LPGAT1: variants seen among roughly 807,000 people sequenced by gnomAD.
LPGAT1 encodes the protein lysophosphatidylglycerol acyltransferase 1, also known as acyl-CoA:lysophosphatidylglycerol acyltransferase 1.
Under a neutral mutation model 47.5 loss-of-function variants are expected in LPGAT1, and 11 were observed. The ratio of observed to expected loss-of-function variants is 0.23; its 90% CI spans 0.15 to 0.38. The LOEUF is 0.38. LPGAT1 is among the 10% of genes least tolerant of loss of function. The probability of loss-of-function intolerance (pLI) is 1.00; values close to 1 mark genes in which losing one functional copy is unlikely to be tolerated. For missense variants in LPGAT1, 293 were observed against 439.0 expected (o/e 0.67, Z 2.97); for synonymous variants, 138 against 144.2 (o/e 0.96, Z 0.31).
At chr1:211,757,460 A>G (rs1389034924) in intron 6 of LPGAT1, among the ~76,000 whole-genome samples, 2 of 152,180 alleles carry the variant, frequency 1.3e-5, no homozygotes, top group Admixed American at 1.3e-4. Context: ...GCATATGATA[A>G]ACACTCATAC....
chr1:211,830,378 G>A lies in LPGAT1; in HGVS notation c.-28+195C>T, dbSNP rs1222908157. 6 of 1,167,278 alleles carry A rather than the reference G, an allele frequency of 5.1e-6. No individual in the cohort carries two copies. The highest frequency in any genetic ancestry group is 5.3e-6 in the Non-Finnish European group (5 of 946,832). The allele number at this position is 1,167,278 out of a possible 1,614,324, so 72.3% of individuals were successfully genotyped here. ...GACTCAGAGGCCGGACCTGTCACCC[G>A]GGCGGGTCCCGGGGAGGCGGGCGGA... On this transcript the variant is annotated intron_variant, in intron 1 of 7. Coordinates refer to ENST00000366997, the MANE Select transcript of LPGAT1 (RefSeq NM_014873.3). The surrounding 1 kb of genome is among the most constrained non-coding windows in gnomAD (Gnocchi z 5.9).
At chr1:211,808,133 G>T (rs925564157) in intron 2 of LPGAT1, among the ~76,000 whole-genome samples, 19 of 151,984 alleles carry the variant, frequency 1.3e-4, no homozygotes, top group African/African-American at 4.6e-4. Context: ...ATCACTTGAG[G>T]TCGGGAGTTC....
chr1:211,762,577 G>C (rs1657743006), intron 6 of LPGAT1, among the ~76,000 whole-genome samples: 1 of 152,188 alleles, frequency 6.6e-6, no homozygotes, highest in South Asian at 2.1e-4. Context: ...AATCAAATCA[G>C]AGGAGTGCTT....
At chr1:211,804,578 G>C (rs1478765132) in intron 2 of LPGAT1, among the ~76,000 whole-genome samples, 1 of 152,010 alleles carries the variant, frequency 6.6e-6, no homozygotes, top group African/African-American at 2.4e-5. Context: ...AATCAAAAAT[G>C]AATGATTCTT....
chr1:211,772,673 T>G (rs1658221982), intron 6 of LPGAT1, among the ~76,000 whole-genome samples: 1 of 152,178 alleles, frequency 6.6e-6, no homozygotes, highest in East Asian at 1.9e-4. Context: ...AATAATCCAC[T>G]GGGGTCTGAA....
chr1:211,801,986 G>C (rs1396895096), intron 2 of LPGAT1, among the ~76,000 whole-genome samples: 1 of 151,024 alleles, frequency 6.6e-6, no homozygotes, highest in Middle Eastern at 3.2e-3. Context: ...TACTTGGGAA[G>C]CTAAGGCAGA....
At position 211,827,508 on chromosome 1, in the gene LPGAT1, A is replaced by T. The variant is rs147591194; in HGVS notation, c.238+1551T>A. ...CACGCACAAACATTTCAGTAATTTC[A>T]TTTTAAGCAGAATGAACTTCTAGAA... On this transcript the variant is annotated intron_variant, in intron 2 of 7. Coordinates refer to ENST00000366997, the MANE Select transcript of LPGAT1 (RefSeq NM_014873.3). 6.2e-4 allele frequency among the ~76,000 whole-genome samples: 95 copies of T among 152,346 alleles called. No individual in the cohort carries two copies. In the East Asian group the frequency reaches 0.017, roughly 27 times the overall value.
chr1:211,783,113 TCTCC>T (rs1171194443), intron 5 of LPGAT1, 112 bp downstream of exon 5: 3 of 946,594 alleles, frequency 3.2e-6, no homozygotes, highest in Admixed American at 3.4e-5. Flanking sequence ...AGTTTCATCT[TCTCC>T]CTATTATTTT....
intron 6 of LPGAT1, among the ~76,000 whole-genome samples, chr1:211,769,913 G>A (rs1189257900): frequency 6.6e-6 from 1 of 152,100 alleles, no homozygotes; most frequent in African/African-American, 2.4e-5. Context: ...ACCTGGGAAT[G>A]CAGCCCAGTA....
Position 211,830,405 on chromosome 1 carries a change from G to A in LPGAT1, c.-28+168C>T. 12 of 1,173,450 alleles carry A rather than the reference G, an allele frequency of 1.0e-5. No individual in the cohort carries two copies. Among genetic ancestry groups the A allele is most frequent in the Non-Finnish European group, 1.3e-5 (12 of 949,774 alleles). The allele number at this position is 1,173,450 out of a possible 1,614,324, so 72.7% of individuals were successfully genotyped here. A position where few individuals can be genotyped will look rare whatever the true frequency, so the allele number is the denominator to read the frequency against. On this transcript the variant is annotated intron_variant, in intron 1 of 7. Transcript: ENST00000366997. The surrounding 1 kb of genome is among the most constrained non-coding windows in gnomAD (Gnocchi z 5.9). ...GCGGGTCCCGGGGAGGCGGGCGGAT[G>A]CCCCGCGCCCCCGCCTCCTCCCCGG... is the stretch of plus-strand genomic sequence containing the variant.
At chr1:211,818,142 A>G (rs1660246093) in intron 2 of LPGAT1, among the ~76,000 whole-genome samples, 1 of 152,136 alleles carries the variant, frequency 6.6e-6, no homozygotes, top group African/African-American at 2.4e-5. Context: ...GCCAACTTTC[A>G]GTTTTTAATG....
At chr1:211,783,123 AT>A (rs1416251347) in intron 5 of LPGAT1, 105 bp downstream of exon 5, 3 of 1,087,452 alleles carry the variant, frequency 2.8e-6, no homozygotes, top group Admixed American at 3.2e-5. Context: ...TCTCCCTATT[AT>A]TTTTAACAAA....
chr1:211,824,403 TA>T (rs1468900698), intron 2 of LPGAT1, among the ~76,000 whole-genome samples: 1 of 151,792 alleles, frequency 6.6e-6, no homozygotes, highest in African/African-American at 2.4e-5. Context: ...CACAAAAAAA[TA>T]AAAAAGGATC....
chr1:211,807,216 GA>G (rs1659792166), intron 2 of LPGAT1, among the ~76,000 whole-genome samples: 1 of 151,942 alleles, frequency 6.6e-6, no homozygotes, highest in Admixed American at 6.6e-5. Flanking sequence ...TAAAACACAT[GA>G]ACAAGATCTA....
intron 4 of LPGAT1, 138 bp downstream of exon 4, chr1:211,787,489 CAAAAA>C (rs374026763): frequency 2.2e-3 from 419 of 190,112 alleles, no homozygotes; most frequent in South Asian, 3.1e-3. Context: ...CTCTGTCTCT[CAAAAA>C]AAAAAAAAAA....
At chr1:211,809,663 A>G (rs947881979) in intron 2 of LPGAT1, among the ~76,000 whole-genome samples, 1 of 152,124 alleles carries the variant, frequency 6.6e-6, no homozygotes, top group Non-Finnish European at 1.5e-5. Context: ...CAATGGTTTT[A>G]TAAAGAGGAG....
At chr1:211,788,630 C>T (rs1441235837) in intron 3 of LPGAT1, among the ~76,000 whole-genome samples, 1 of 151,076 alleles carries the variant, frequency 6.6e-6, no homozygotes, top group Non-Finnish European at 1.5e-5. Context: ...TGCAGTGAGC[C>T]AAGATCGAGC....
chr1:211,778,142 A>G (rs1398294672), intron 6 of LPGAT1, among the ~76,000 whole-genome samples: 1 of 152,192 alleles, frequency 6.6e-6, no homozygotes, highest in African/African-American at 2.4e-5. Flanking sequence ...GGAGATCGAG[A>G]CCATCCTGGC....
intron 6 of LPGAT1, among the ~76,000 whole-genome samples, chr1:211,753,804 T>C (rs1657312040): frequency 6.6e-6 from 1 of 152,214 alleles, no homozygotes; most frequent in Admixed American, 6.5e-5. Context: ...CTGACATTCT[T>C]TGTTGTTCCA....
Sources: gnomAD v4.1 joint callset for allele counts (sites outside exome capture counted in the v4.1 genomes callset) on GRCh38, gnomAD v4.1.1 for gene constraint, Gnocchi (gnomAD v3.1) non-coding constraint, MANE v1.5 for transcripts, NCBI Gene and HGNC (gene_info 2026-07-23, HGNC 2026-07-21) for gene names.